Variants in TENM3 observed in about 807,000 individuals in gnomAD.
The protein encoded by TENM3 is teneurin-3.
TENM3 carries 63 observed loss-of-function variants against 255.1 expected under a neutral mutation model. The ratio of observed to expected loss-of-function variants is 0.25; its 90% CI spans 0.20 to 0.30. The LOEUF is 0.30. Among genes scored for constraint, TENM3 ranks in the 10% least tolerant of loss-of-function variants. The pLI, the probability that TENM3 is intolerant of heterozygous loss-of-function variation, is 1.00. For missense variants in TENM3, 2,929 were observed against 3,461.1 expected (o/e 0.85, Z 3.86); for synonymous variants, 1,306 against 1,322.3 (o/e 0.99, Z 0.27).
the TENM3 span, among the ~76,000 whole-genome samples, chr4:181,544,427 A>C: frequency 7.2e-3 from 1,059 of 148,080 alleles, 26 homozygotes; most frequent in African/African-American, 0.025. Flanking sequence ...AAAAAAAAAA[A>C]AAAAAAAAAC....
chr4:181,534,465 T>A, the TENM3 span, among the ~76,000 whole-genome samples: 1 of 122,758 alleles, frequency 8.1e-6, no homozygotes, highest in African/African-American at 3.1e-5. Flanking sequence ...CCCTGAGGTC[T>A]TCCCCCCCCC....
intron 19 of TENM3, among the ~76,000 whole-genome samples, chr4:182,743,850 G>A (rs751739842): frequency 2.6e-5 from 4 of 152,046 alleles, no homozygotes; most frequent in Non-Finnish European, 4.4e-5. Context: ...CTAGAATATT[G>A]GATCTTCAGG....
intron 3 of TENM3, among the ~76,000 whole-genome samples, chr4:182,480,856 A>G (rs191350294): frequency 1.1e-4 from 17 of 152,244 alleles, no homozygotes; most frequent in Admixed American, 1.1e-3. Context: ...ATCTGAACTG[A>G]CATATTTTTA....
At chr4:181,556,016 T>G in the TENM3 span, among the ~76,000 whole-genome samples, 4 of 152,152 alleles carry the variant, frequency 2.6e-5, no homozygotes, top group African/African-American at 9.7e-5. Flanking sequence ...AGCATTCAGG[T>G]CAAAAAATAT....
chr4:182,409,159 A>G (rs1480408673), intron 3 of TENM3, among the ~76,000 whole-genome samples: 2 of 152,206 alleles, frequency 1.3e-5, no homozygotes, highest in Admixed American at 6.5e-5. Flanking sequence ...AGGTCTTTCT[A>G]GAGATCCTTT....
the TENM3 span, among the ~76,000 whole-genome samples, chr4:181,522,128 A>AAAAAG: frequency 2.0e-5 from 3 of 146,960 alleles, no homozygotes; most frequent in African/African-American, 7.7e-5. Context: ...AAAAAAAAAA[A>AAAAAG]AAGAAGAAGC....
At chr4:182,341,707 T>C (rs1764498420) in intron 2 of TENM3, among the ~76,000 whole-genome samples, 1 of 152,224 alleles carries the variant, frequency 6.6e-6, no homozygotes, top group African/African-American at 2.4e-5. Flanking sequence ...CTATAGGATA[T>C]AGTTCCAAAG....
chr4:182,100,804 TATACAC>T, the TENM3 span, among the ~76,000 whole-genome samples: 86 of 1,892 alleles, frequency 0.045, 19 homozygotes, highest in Admixed American at 0.28. Flanking sequence ...TACACATATA[TATACAC>T]ATATATATAC....
At chr4:181,960,649 G>T in the TENM3 span, among the ~76,000 whole-genome samples, 1 of 152,236 alleles carries the variant, frequency 6.6e-6, no homozygotes, top group Non-Finnish European at 1.5e-5. Context: ...AGGGCTGATA[G>T]TTTCTGCTAA....
the TENM3 span, among the ~76,000 whole-genome samples, chr4:182,133,369 A>G: frequency 6.6e-6 from 1 of 152,220 alleles, no homozygotes; most frequent in Admixed American, 6.5e-5. Context: ...GCTTCCAAAT[A>G]AAGCTCTTCA....
chr4:181,876,829 C>T, the TENM3 span, among the ~76,000 whole-genome samples: 2 of 151,994 alleles, frequency 1.3e-5, no homozygotes, highest in African/African-American at 4.8e-5. Context: ...TTCAGATATT[C>T]ATAGATTGTA....
intron 3 of TENM3, among the ~76,000 whole-genome samples, chr4:182,481,368 T>C (rs953563174): frequency 1.3e-5 from 2 of 152,212 alleles, no homozygotes; most frequent in South Asian, 2.1e-4. Flanking sequence ...GAAATTCTTA[T>C]GAAATAAGTA....
intron 3 of TENM3, among the ~76,000 whole-genome samples, chr4:182,560,113 C>T (rs2151966771): frequency 6.7e-6 from 1 of 150,014 alleles, no homozygotes; most frequent in South Asian, 2.1e-4. Flanking sequence ...GAGTAACTAT[C>T]CCCACAACAG....
Position 182,793,835 on chromosome 4 carries a change from G to A in TENM3, c.7163G>A (p.Arg2388Lys). ...DPAPFNLYMF[R>K]NNNPASKIHD... The stretch of plus-strand genomic sequence containing the variant: ...GCTCCTTTTAACTTGTACATGTTTA[G>A]GAATAACAACCCTGCAAGCAAAATC... The change falls in exon 26 of 28, where the codon AGG (arginine) becomes AAG (lysine). Residue 2388 changes from arginine to lysine, a missense_variant. Coordinates refer to ENST00000511685, the MANE Select transcript of TENM3 (RefSeq NM_001080477.4). This position sits in a 1 kb window ranked among gnomAD's most constrained non-coding sequence, Gnocchi z 5.7. 6.2e-7 allele frequency: 1 copy of A among 1,613,314 alleles called. No individual in the cohort carries two copies.
chr4:182,214,204 C>T (rs11722963), intron 1 of TENM3, among the ~76,000 whole-genome samples: 2,810 of 152,274 alleles, frequency 0.018, 35 homozygotes, highest in Non-Finnish European at 0.026. Flanking sequence ...AAGCATAATA[C>T]ATCACTTGTT....
At chr4:182,029,388 T>G in the TENM3 span, among the ~76,000 whole-genome samples, 1 of 152,204 alleles carries the variant, frequency 6.6e-6, no homozygotes. Context: ...GTTTTCTTTT[T>G]GATTTTCAGT....
intron 3 of TENM3, among the ~76,000 whole-genome samples, chr4:182,521,574 A>C (rs1232833679): frequency 6.6e-6 from 1 of 150,780 alleles, no homozygotes; most frequent in East Asian, 2.0e-4. Flanking sequence ...TTGGGTAGCA[A>C]ATGGGGGGGT....
chr4:181,834,439 C>T, the TENM3 span, among the ~76,000 whole-genome samples: 7 of 152,114 alleles, frequency 4.6e-5, no homozygotes, highest in Admixed American at 1.3e-4. Context: ...GGGGGCTTAC[C>T]GCATAAGGGA....
chr4:182,013,969 TATATATACGTGTATATACGTATATACAC>T, the TENM3 span, among the ~76,000 whole-genome samples: 1 of 91,170 alleles, frequency 1.1e-5, no homozygotes, highest in Non-Finnish European at 2.2e-5. Flanking sequence ...CATATATACG[TATATATACGTGTATATACGTATATACAC>T]ATATATACGT....
Sources: allele counts gnomAD v4.1 joint callset (sites outside exome capture counted in the v4.1 genomes callset), GRCh38; gene constraint gnomAD v4.1.1; non-coding constraint Gnocchi (gnomAD v3.1); transcripts MANE v1.5; gene names NCBI Gene and HGNC (gene_info 2026-07-23, HGNC 2026-07-21).